Variants in ZMIZ1 observed in about 807,000 individuals in gnomAD.
ZMIZ1 encodes zinc finger MIZ-type containing 1, also known as zinc finger MIZ domain-containing protein 1.
A neutral mutation model predicts 113.9 loss-of-function variants in ZMIZ1; 17 were observed. The observed-to-expected ratio is 0.15, with a 90% CI of 0.10 to 0.22. The LOEUF (loss-of-function observed/expected upper bound fraction) is 0.22. Ranked by LOEUF, ZMIZ1 falls within the 10% of genes least tolerant of loss-of-function variation. The pLI is 1.00. For synonymous variants in ZMIZ1, 607 were observed against 603.1 expected, an observed-to-expected ratio of 1.01 and a Z score of -0.09; for missense variants, 1,059 against 1,477.8, an observed-to-expected ratio of 0.72 and a Z score of 4.65.
chr10:79,307,670 A>C (rs1161212262), intron 23 of ZMIZ1, 99 bp downstream of exon 23: 2 of 1,370,902 alleles, frequency 1.5e-6, no homozygotes, highest in Non-Finnish European at 2.0e-6. Context: ...GCAGAGGATG[A>C]AGAATTGGGT....
intron 5 of ZMIZ1, among the ~76,000 whole-genome samples, chr10:79,202,910 T>G (rs1848161367): frequency 6.6e-6 from 1 of 152,202 alleles, no homozygotes; most frequent in Non-Finnish European, 1.5e-5. Flanking sequence ...AGTCCTCCAT[T>G]TCTCTGAGCC....
At chr10:79,190,925 C>G (rs1195562885) in intron 4 of ZMIZ1, among the ~76,000 whole-genome samples, 1 of 152,166 alleles carries the variant, frequency 6.6e-6, no homozygotes, top group Non-Finnish European at 1.5e-5. Context: ...AAGCCCTCCC[C>G]TCTCTGGCCT....
chr10:79,168,320 G>C (rs1417174315), intron 4 of ZMIZ1, among the ~76,000 whole-genome samples: 1 of 152,198 alleles, frequency 6.6e-6, no homozygotes, highest in Non-Finnish European at 1.5e-5. Context: ...GAGTTTGAGT[G>C]TACTGAGCCA....
rs1842193799 is a variant in ZMIZ1 at position 79,069,841 on chromosome 10, T to C, written c.-337+571T>C. ...GAGGTGGGGGCGCGGTTAAGTTGTT[T>C]GTGTGGGAATTGCCCGGGGAAAGCT... On this transcript the variant is annotated intron_variant, in intron 1 of 24. Coordinates refer to ENST00000334512, the MANE Select transcript of ZMIZ1 (RefSeq NM_020338.4). The surrounding 1 kb of genome is among the most constrained non-coding windows in gnomAD (Gnocchi z 4.6). Among the ~76,000 whole-genome samples, 2 of 149,592 alleles carry C rather than the reference T, an allele frequency of 1.3e-5. No individual in the cohort carries two copies. The highest frequency in any genetic ancestry group is 4.9e-5 in the African/African-American group (2 of 40,606).
chr10:79,305,467 G>C (rs200296042), intron 20 of ZMIZ1, 66 bp from the exon 21 acceptor site: 1 of 1,561,088 alleles, frequency 6.4e-7, no homozygotes, highest in East Asian at 2.2e-5. Context: ...CACTGAGGTG[G>C]ATGGGCTTTG....
Position 79,296,231 on chromosome 10 carries a change from G to A in ZMIZ1, c.1231-240G>A, listed in dbSNP as rs961903294. On this transcript the variant is annotated intron_variant, in intron 12 of 24. Transcript: ENST00000334512. This position sits in a 1 kb window ranked among gnomAD's most constrained non-coding sequence, Gnocchi z 4.1. ...TCTGAAAGTGTCCCTGGAGTTCAGG[G>A]GCACATGTGCTCCAGGAAGAACGGC... is the stretch of plus-strand genomic sequence containing the variant. 2.1e-5 allele frequency: 12 copies of A among 575,018 alleles called. No individual in the cohort carries two copies. Among genetic ancestry groups the A allele is most frequent in the Non-Finnish European group, 3.7e-5 (12 of 321,052 alleles). 35.6% of individuals were successfully genotyped at this position (575,018 alleles called of 1,614,324 possible).
At chr10:79,086,739 GTTATTTA>G (rs920286370) in intron 1 of ZMIZ1, among the ~76,000 whole-genome samples, 1 of 151,894 alleles carries the variant, frequency 6.6e-6, no homozygotes, top group Non-Finnish European at 1.5e-5. Flanking sequence ...AGGATCTTTT[GTTATTTA>G]TTTTTTATTT....
intron 4 of ZMIZ1, among the ~76,000 whole-genome samples, chr10:79,164,864 G>T (rs1846257355): frequency 6.6e-6 from 1 of 152,184 alleles, no homozygotes; most frequent in African/African-American, 2.4e-5. Context: ...TTACTGGGGA[G>T]GCTGCACTGA....
chr10:79,120,807 C>A (rs1193547648), intron 2 of ZMIZ1, among the ~76,000 whole-genome samples: 1 of 152,168 alleles, frequency 6.6e-6, no homozygotes, highest in Admixed American at 6.5e-5. Flanking sequence ...TCCCCTGGGG[C>A]CTGGGTACTC....
chr10:79,237,886 C>CT, intron 7 of ZMIZ1, among the ~76,000 whole-genome samples: 1 of 152,340 alleles, frequency 6.6e-6, no homozygotes, highest in East Asian at 1.9e-4. Flanking sequence ...CTCTGAAAGC[C>CT]TAACAGCTCG....
At chr10:79,076,592 C>T (rs6480918) in intron 1 of ZMIZ1, among the ~76,000 whole-genome samples, 91,150 of 152,076 alleles carry the variant, frequency 0.6, 27,767 homozygotes, top group African/African-American at 0.69. Context: ...TCTCAGCACT[C>T]TGGGAGGCCT....
At chr10:79,077,308 A>G (rs1842505791) in intron 1 of ZMIZ1, among the ~76,000 whole-genome samples, 1 of 151,894 alleles carries the variant, frequency 6.6e-6, no homozygotes, top group Admixed American at 6.5e-5. Context: ...GGGCACAGAG[A>G]CCTCTGGGAA....
chr10:79,293,724 A>G lies in ZMIZ1; in HGVS notation c.1230+71A>G, dbSNP rs540542171. ...GGGCTTGAAGACATGGGCCGTGGGT[A>G]CGGCTTTGGAAGGGGTGTGGCTTGG... On this transcript the variant is annotated intron_variant, in intron 12 of 24. Coordinates refer to ENST00000334512, the MANE Select transcript of ZMIZ1 (RefSeq NM_020338.4). The G allele has an allele frequency of 1.1e-5, 17 of 1,609,152 alleles. No homozygotes were observed. In the East Asian group the frequency reaches 2.2e-4, roughly 21 times the overall value.
chr10:79,117,779 G>T (rs911272790), intron 1 of ZMIZ1, among the ~76,000 whole-genome samples: 2 of 152,186 alleles, frequency 1.3e-5, no homozygotes, highest in African/African-American at 2.4e-5. Flanking sequence ...TGGGCTGGAG[G>T]TGCATCTTGT....
chr10:79,214,595 G>A (rs1342569227), intron 6 of ZMIZ1, among the ~76,000 whole-genome samples: 2 of 152,156 alleles, frequency 1.3e-5, no homozygotes, highest in Admixed American at 6.5e-5. Flanking sequence ...TTTAAGGCAG[G>A]CGTGGGGAAC....
At chr10:79,133,052 T>G (rs1464872908) in intron 2 of ZMIZ1, among the ~76,000 whole-genome samples, 6 of 152,222 alleles carry the variant, frequency 3.9e-5, no homozygotes, top group Non-Finnish European at 8.8e-5. Flanking sequence ...ACTCCCTTGA[T>G]TCAGACCTTT....
chr10:79,141,919 C>T (rs900418650), intron 3 of ZMIZ1, among the ~76,000 whole-genome samples: 1 of 152,140 alleles, frequency 6.6e-6, no homozygotes, highest in Non-Finnish European at 1.5e-5. Context: ...AGCTGTTGCC[C>T]ACATCCAGGT....
At chr10:79,142,159 G>A (rs1413929510) in intron 3 of ZMIZ1, among the ~76,000 whole-genome samples, 3 of 152,188 alleles carry the variant, frequency 2.0e-5, no homozygotes, top group Non-Finnish European at 4.4e-5. Context: ...AGGGCTGCGT[G>A]AAGCTGAGGA....
intron 1 of ZMIZ1, among the ~76,000 whole-genome samples, chr10:79,072,779 C>A (rs1384925556): frequency 1.3e-5 from 2 of 152,224 alleles, no homozygotes; most frequent in Non-Finnish European, 2.9e-5. Flanking sequence ...TATGAGGCTC[C>A]TTAGATTTTG....
Sources: gnomAD v4.1 joint callset for allele counts (sites outside exome capture counted in the v4.1 genomes callset) on GRCh38, gnomAD v4.1.1 for gene constraint, Gnocchi (gnomAD v3.1) non-coding constraint, MANE v1.5 for transcripts, NCBI Gene and HGNC (gene_info 2026-07-23, HGNC 2026-07-21) for gene names.